SVEP1: variants seen among roughly 807,000 people sequenced by gnomAD.
The protein encoded by SVEP1 is sushi, von Willebrand factor type A, EGF and pentraxin domain containing 1, also known as sushi, von Willebrand factor type A, EGF and pentraxin domain-containing protein 1.
Under a neutral mutation model 367.3 loss-of-function variants are expected in SVEP1, and 164 were observed. The ratio of observed to expected loss-of-function variants is 0.45; its 90% CI spans 0.39 to 0.51. SVEP1 has a LOEUF of 0.51. SVEP1 is among the 20% of genes least tolerant of loss of function. SVEP1 has a pLI of 0.00. For synonymous variants in SVEP1, 1,666 were observed against 1,611.6 expected, an observed-to-expected ratio of 1.03 and a Z score of -0.81; for missense variants, 4,117 against 4,425.3, an observed-to-expected ratio of 0.93 and a Z score of 1.98.
Position 110,429,157 on chromosome 9 carries a change from G to A in SVEP1, c.5793C>T (p.Cys1931=), listed in dbSNP as rs201481241. 592 of 1,592,462 alleles carry A rather than the reference G, an allele frequency of 3.7e-4. 6 individuals are homozygous for A. The highest frequency in any genetic ancestry group is 4.2e-4 in the Admixed American group (24 of 57,156). ...LTYLSTASYS[C]DTGYSLQGPS... is the part of the protein sequence containing the mutation. Reference sequence around the variant, plus strand: ...ACAAATGTTACCTGTATCCTGTATCGCATGAATATGATGCAGTAGAAAGGT... The same window carrying A: ...ACAAATGTTACCTGTATCCTGTATCACATGAATATGATGCAGTAGAAAGGT... Residue 1931 remains cysteine, a synonymous_variant, in exon 35 of 48, where the codon TGC becomes TGT. Transcript: ENST00000374469.
intron 37 of SVEP1, among the ~76,000 whole-genome samples, chr9:110,410,426 T>C (rs1186125771): frequency 1.3e-5 from 2 of 152,226 alleles, no homozygotes; most frequent in Admixed American, 1.3e-4. Context: ...TTATTTGGTT[T>C]ACCCTATCTT....
Position 110,457,444 on chromosome 9 carries a change from G to A in SVEP1, c.3577-92C>T. ...AGAGTCAGGTTTGCAACATTAGACA[G>A]CTCGTTCCTCCTGTTTCCAGGTAAG... On this transcript the variant is annotated intron_variant, in intron 20 of 47. Transcript: ENST00000374469. 3 of 974,240 alleles carry A rather than the reference G, an allele frequency of 3.1e-6. No homozygotes were observed. The East Asian group carries it at 7.7e-5, about 25-fold the overall frequency. 60.3% of individuals were successfully genotyped at this position (974,240 alleles called of 1,614,324 possible).
chr9:110,415,390 G>A lies in SVEP1; in HGVS notation c.5976-3655C>T, dbSNP rs550236646. ...ATGTGGCTTATATAAGGCCCAGGAGGCTTACATTGTGTGCAGGGCAATGGT... is the reference window on the plus strand; with the variant it reads ...ATGTGGCTTATATAAGGCCCAGGAGACTTACATTGTGTGCAGGGCAATGGT... On this transcript the variant is annotated intron_variant, in intron 36 of 47. Coordinates refer to ENST00000374469, the MANE Select transcript of SVEP1 (RefSeq NM_153366.4). Among the ~76,000 whole-genome samples the A allele has an allele frequency of 2.6e-5, 4 of 152,190 alleles. 1 individual carries two copies. The highest frequency in any genetic ancestry group is 9.7e-5 in the African/African-American group (4 of 41,424).
intron 22 of SVEP1, among the ~76,000 whole-genome samples, chr9:110,451,670 T>A (rs1045790843): frequency 1.3e-5 from 2 of 152,202 alleles, no homozygotes; most frequent in African/African-American, 4.8e-5. Flanking sequence ...AGATGTGTGA[T>A]TTTGTTTTAA....
At chr9:110,569,427 G>T (rs923732819) in intron 1 of SVEP1, among the ~76,000 whole-genome samples, 8 of 144,304 alleles carry the variant, frequency 5.5e-5, no homozygotes, top group Non-Finnish European at 7.4e-5. Flanking sequence ...TTGCATTCCA[G>T]CCTGGGCAAC....
At chr9:110,458,008 TATTC>T (rs1828803236) in intron 20 of SVEP1, 2 of 404,590 alleles carry the variant, frequency 4.9e-6, no homozygotes, top group Non-Finnish European at 9.6e-6. Flanking sequence ...GGTTTAGCTA[TATTC>T]TTAATTTATG....
Position 110,404,319 on chromosome 9 carries a change from A to C in SVEP1, c.9666+8T>G, listed in dbSNP as rs377036109. On this transcript the variant is annotated splice_region_variant and intron_variant, in intron 39 of 47. Transcript: ENST00000374469. ...GCATTACACATTCTAATTAAGACAG[A>C]ATCTTACCTGACATACTGATATGTT... 23 of 1,613,284 alleles carry C rather than the reference A, an allele frequency of 1.4e-5. No homozygotes were observed. Among genetic ancestry groups the C allele is most frequent in the Non-Finnish European group, 2.0e-5 (23 of 1,179,422 alleles).
rs749734898 is a variant in SVEP1 at position 110,389,603 on chromosome 9, G to GA, written c.9823-17dup. 10 of 1,613,010 alleles carry GA rather than the reference G, an allele frequency of 6.2e-6. No individual in the cohort carries two copies. In the East Asian group the frequency reaches 1.3e-4, roughly 22 times the overall value. ...CCCTGTTCCCCTGTGAAACAATGGA[G>GA]AAAGGTCATCAAGATCATAACTCTA... On this transcript the variant is annotated splice_polypyrimidine_tract_variant and intron_variant, in intron 40 of 47. Coordinates refer to ENST00000374469, the MANE Select transcript of SVEP1 (RefSeq NM_153366.4).
chr9:110,423,977 G>A (rs1828214469), intron 36 of SVEP1, among the ~76,000 whole-genome samples: 1 of 152,210 alleles, frequency 6.6e-6, no homozygotes, highest in African/African-American at 2.4e-5. Context: ...TTGGAAAGAA[G>A]AATCAACTGT....
At chr9:110,480,000 T>C (rs1233134016) in intron 12 of SVEP1, among the ~76,000 whole-genome samples, 1 of 152,188 alleles carries the variant, frequency 6.6e-6, no homozygotes, top group Non-Finnish European at 1.5e-5. Flanking sequence ...ATTCTTTATC[T>C]TCCATTCATA....
chr9:110,541,598 A>G (rs530331066), intron 3 of SVEP1, among the ~76,000 whole-genome samples: 10 of 152,168 alleles, frequency 6.6e-5, no homozygotes, highest in Admixed American at 6.6e-4. Flanking sequence ...TGACAATTAT[A>G]TTATCTCAAA....
rs1829033004 is a variant in SVEP1 at position 110,472,312 on chromosome 9, A to G, written c.2611T>C (p.Trp871Arg). The G allele has an allele frequency of 6.3e-7, 1 of 1,595,512 alleles. No individual in the cohort carries two copies. Among genetic ancestry groups the G allele is most frequent in the African/African-American group, 1.4e-5 (1 of 73,820 alleles). The change falls in exon 15 of 48, where the codon TGG becomes CGG. Residue 871 changes from tryptophan to arginine, a missense_variant. This residue lies in a region of SVEP1 where 2,174 missense variants were observed against 2,494.3 expected (regional missense o/e 0.87). Coordinates refer to ENST00000374469, the MANE Select transcript of SVEP1 (RefSeq NM_153366.4). ...ENGFAIGPGGWGAANRLDYSY... is the reference protein window; with the variant it reads ...ENGFAIGPGGRGAANRLDYSY... ...TAATCCAGCCTATTAGCTGCACCCC[A>G]GCCACCTGGTCCTGGATAGTCGGGG...
chr9:110,415,069 C>T (rs1391453231), intron 36 of SVEP1, among the ~76,000 whole-genome samples: 1 of 151,830 alleles, frequency 6.6e-6, no homozygotes, highest in Non-Finnish European at 1.5e-5. Flanking sequence ...AACTGAAAAC[C>T]CCCTACGTTT....
chr9:110,532,491 T>A (rs1257557693), intron 3 of SVEP1, among the ~76,000 whole-genome samples: 1 of 152,154 alleles, frequency 6.6e-6, no homozygotes, highest in Non-Finnish European at 1.5e-5. Flanking sequence ...AGTGGATTCA[T>A]GAAAAGGCTT....
At chr9:110,493,665 G>A (rs1302979121) in intron 8 of SVEP1, among the ~76,000 whole-genome samples, 1 of 152,138 alleles carries the variant, frequency 6.6e-6, no homozygotes, top group Non-Finnish European at 1.5e-5. Flanking sequence ...CTGGGAGGTG[G>A]AGGCTGCAGT....
chr9:110,415,606 G>T (rs1828108451), intron 36 of SVEP1, among the ~76,000 whole-genome samples: 1 of 152,024 alleles, frequency 6.6e-6, no homozygotes, highest in African/African-American at 2.4e-5. Context: ...AGGGCATGTA[G>T]ATCTATGCCA....
intron 31 of SVEP1, 137 bp downstream of exon 31, chr9:110,432,325 C>A: frequency 8.7e-7 from 1 of 1,155,606 alleles, no homozygotes; most frequent in East Asian, 2.5e-5. Flanking sequence ...GCTGCTTTGT[C>A]ACTATGGCTT....
chr9:110,569,107 A>G (rs1444695996), intron 1 of SVEP1, among the ~76,000 whole-genome samples: 1 of 151,946 alleles, frequency 6.6e-6, no homozygotes, highest in Non-Finnish European at 1.5e-5. Flanking sequence ...AAATAAATAA[A>G]TAAAAATTAA....
At chr9:110,514,461 T>A (rs1400689636) in intron 3 of SVEP1, among the ~76,000 whole-genome samples, 1 of 142,374 alleles carries the variant, frequency 7.0e-6, no homozygotes, top group Non-Finnish European at 1.5e-5. Context: ...TGCGGTGAGC[T>A]GAGATAGCAC....
Sources: gnomAD v4.1 joint callset for allele counts (sites outside exome capture counted in the v4.1 genomes callset) on GRCh38, gnomAD v4.1.1 for gene constraint, gnomAD v4.1.1 regional missense constraint, MANE v1.5 for transcripts, NCBI Gene and HGNC (gene_info 2026-07-23, HGNC 2026-07-21) for gene names.